WFDC1: variants seen among roughly 807,000 people sequenced by gnomAD.
The protein encoded by WFDC1 is WAP four-disulfide core domain 1, also known as WAP four-disulfide core domain protein 1.
A neutral mutation model predicts 32.9 loss-of-function variants in WFDC1; 39 were observed. The ratio of observed to expected loss-of-function variants is 1.19; its 90% CI spans 0.92 to 1.55. The LOEUF (loss-of-function observed/expected upper bound fraction) is 1.55, where lower values mean the gene tolerates loss of function less well. Ranked by LOEUF, WFDC1 falls within the 40% of genes most tolerant of loss-of-function variation. The probability of loss-of-function intolerance (pLI) is 0.00; values close to 1 mark genes in which losing one functional copy is unlikely to be tolerated. For missense variants in WFDC1, 386 were observed against 309.5 expected (o/e 1.25, Z -1.85); for synonymous variants, 184 against 137.4 (o/e 1.34, Z -2.37).
rs374816068 is a variant in WFDC1 at position 84,307,443 on chromosome 16, C to G, written c.145-5518C>G. Among the ~76,000 whole-genome samples, 10 of 152,170 alleles carry G rather than the reference C, an allele frequency of 6.6e-5. No individual in the cohort carries two copies. The East Asian group carries it at 1.5e-3, about 23-fold the overall frequency. ...TGTTTCAGTCACGCAGTAAATAACTCGGGAGATGTGGCTTCTAAGGCGCTT... is the reference window on the plus strand; with the variant it reads ...TGTTTCAGTCACGCAGTAAATAACTGGGGAGATGTGGCTTCTAAGGCGCTT... On this transcript the variant is annotated intron_variant, in intron 1 of 6. Coordinates refer to ENST00000219454, the MANE Select transcript of WFDC1 (RefSeq NM_021197.4).
rs937907680 is a variant in WFDC1, at chr16:84,313,136, C to T, written c.320C>T (p.Ala107Val). Residue 107 changes from alanine (A) to valine (V), a missense_variant, in exon 2 of 7, where the codon GCT becomes GTT. Transcript: ENST00000219454. Reference protein sequence around the residue: ...YNGCAYACLEAVPPPPVLDWL... With the variant: ...YNGCAYACLEVVPPPPVLDWL... ...GGATGCGCCTACGCCTGCCTAGAAG[C>T]TGTGCCGCCCCCGCCAGGTAGGTCC... is the stretch of plus-strand genomic sequence containing the variant. 3 of 1,436,392 alleles carry T rather than the reference C, an allele frequency of 2.1e-6. No individual in the cohort carries two copies. Among genetic ancestry groups the T allele is most frequent in the Non-Finnish European group, 2.7e-6 (3 of 1,103,382 alleles). The allele number at this position is 1,436,392 out of a possible 1,614,324, so 89.0% of individuals were successfully genotyped here. A position where few individuals can be genotyped will look rare whatever the true frequency, so the allele number is the denominator to read the frequency against.
chr16:84,313,096 C>T lies in WFDC1; in HGVS notation c.280C>T (p.Arg94Cys). The T allele has an allele frequency of 1.4e-6, 2 of 1,436,668 alleles. No individual in the cohort carries two copies. Among genetic ancestry groups the T allele is most frequent in the South Asian group, 1.4e-5 (1 of 70,430 alleles). The allele number at this position is 1,436,668 out of a possible 1,614,324, so 89.0% of individuals were successfully genotyped here. ...QADSECPRHR[R>C]CCYNGCAYAC... Reference sequence around the variant, plus strand: ...GGACTCCGAGTGCCCGCGGCACCGGCGCTGCTGCTACAACGGATGCGCCTA... The same window carrying T: ...GGACTCCGAGTGCCCGCGGCACCGGTGCTGCTGCTACAACGGATGCGCCTA... Residue 94 changes from arginine to cysteine, a missense_variant, in exon 2 of 7, where the codon CGC (arginine) becomes TGC (cysteine). Coordinates refer to ENST00000219454, the MANE Select transcript of WFDC1 (RefSeq NM_021197.4).
chr16:84,306,025 TA>T (rs1907231986), intron 1 of WFDC1, among the ~76,000 whole-genome samples: 1 of 81,026 alleles, frequency 1.2e-5, no homozygotes. Context: ...ATAATAATAA[TA>T]ATAATAATAA....
chr16:84,314,636 A>T (rs1308935095), intron 2 of WFDC1, among the ~76,000 whole-genome samples: 6 of 152,168 alleles, frequency 3.9e-5, no homozygotes, highest in African/African-American at 9.7e-5. Flanking sequence ...CAGTCTTATA[A>T]TGCTCATCAA....
intron 1 of WFDC1, among the ~76,000 whole-genome samples, chr16:84,301,968 A>G (rs1416312259): frequency 2.0e-5 from 3 of 152,218 alleles, no homozygotes; most frequent in Non-Finnish European, 4.4e-5. Context: ...CCGCAGCCAC[A>G]GGGCAGAGGC....
intron 4 of WFDC1, among the ~76,000 whole-genome samples, chr16:84,323,037 T>C (rs1289502158): frequency 2.0e-5 from 3 of 152,162 alleles, no homozygotes; most frequent in Non-Finnish European, 4.4e-5. Flanking sequence ...CTCCTTGTGG[T>C]GTTATGGGCC....
chr16:84,310,696 T>A (rs932138384), intron 1 of WFDC1, among the ~76,000 whole-genome samples: 7 of 152,206 alleles, frequency 4.6e-5, no homozygotes, highest in Non-Finnish European at 7.3e-5. Context: ...TGCATTTTTT[T>A]AAAAACACAG....
At position 84,299,153 on chromosome 16, in the gene WFDC1, G is replaced by A. The variant is rs553919151; in HGVS notation, c.144+4038G>A. On this transcript the variant is annotated intron_variant, in intron 1 of 6. Coordinates refer to ENST00000219454, the MANE Select transcript of WFDC1 (RefSeq NM_021197.4). ...AGGCAGGCAGATCTCCTGAGGTCGG[G>A]AGTTCAAAACCAGCCTGACCAACAT... Among the ~76,000 whole-genome samples the A allele has an allele frequency of 2.9e-4, 44 of 152,206 alleles. No homozygotes were observed. In the South Asian group the frequency reaches 9.1e-3, roughly 32 times the overall value.
chr16:84,313,733 G>A (rs776761847), intron 2 of WFDC1, among the ~76,000 whole-genome samples: 2 of 152,210 alleles, frequency 1.3e-5, no homozygotes, highest in Admixed American at 6.5e-5. Context: ...CAGATGGGGC[G>A]TGCCCCAGAG....
chr16:84,310,522 G>T (rs1907549000), intron 1 of WFDC1, among the ~76,000 whole-genome samples: 3 of 152,246 alleles, frequency 2.0e-5, no homozygotes, highest in African/African-American at 7.2e-5. Flanking sequence ...AAAAGACATT[G>T]AACCACTGCA....
chr16:84,311,985 T>C (rs1907657478), intron 1 of WFDC1, among the ~76,000 whole-genome samples: 1 of 151,926 alleles, frequency 6.6e-6, no homozygotes, highest in Non-Finnish European at 1.5e-5. Flanking sequence ...GGCCAACATG[T>C]AGAAACCCTG....
At chr16:84,303,113 A>C (rs1359470589) in intron 1 of WFDC1, among the ~76,000 whole-genome samples, 1 of 149,514 alleles carries the variant, frequency 6.7e-6, no homozygotes, top group African/African-American at 2.5e-5. Flanking sequence ...GGCCCCGGGC[A>C]CCAGGAAATG....
intron 2 of WFDC1, among the ~76,000 whole-genome samples, chr16:84,315,090 T>C (rs960023936): frequency 2.0e-5 from 3 of 152,238 alleles, no homozygotes; most frequent in African/African-American, 7.2e-5. Context: ...GAAGTGTTCA[T>C]TGCCTTAGGC....
intron 1 of WFDC1, among the ~76,000 whole-genome samples, chr16:84,298,794 G>C (rs1906760925): frequency 6.6e-6 from 1 of 152,238 alleles, no homozygotes; most frequent in Admixed American, 6.5e-5. Flanking sequence ...TGCAGAGACA[G>C]TGCCAGAGAT....
At chr16:84,326,979 C>T in intron 6 of WFDC1, 24 bp downstream of exon 6, 1 of 1,612,332 alleles carries the variant, frequency 6.2e-7, no homozygotes, top group Non-Finnish European at 8.5e-7. Context: ...GAGCAAGAGT[C>T]ATGGCCAGGG....
At chr16:84,319,224 G>C in intron 3 of WFDC1, 1 of 595,048 alleles carries the variant, frequency 1.7e-6, no homozygotes, top group Non-Finnish European at 2.9e-6. Flanking sequence ...CTGTGTTTGT[G>C]TGCGTGTTTG....
chr16:84,300,920 A>C (rs529660920), intron 1 of WFDC1, among the ~76,000 whole-genome samples: 1 of 152,148 alleles, frequency 6.6e-6, no homozygotes, highest in Admixed American at 6.5e-5. Flanking sequence ...CGTTGCAGTG[A>C]GCCAAGATCA....
rs112519288 is a variant in WFDC1 at position 84,326,956 on chromosome 16, G to C, written c.*15+1G>C. The C allele has an allele frequency of 6.2e-7, 1 of 1,614,082 alleles. No homozygotes were observed. The highest frequency in any genetic ancestry group is 1.3e-5 in the African/African-American group (1 of 75,026). On this transcript the variant is annotated splice_donor_variant, in intron 6 of 6. Transcript: ENST00000219454. LOFTEE classifies it low-confidence loss of function (3UTR_SPLICE). ...CTTTCAGTAAAGCAACGGCAAGCAG[G>C]TGAGTGGGCAGAGAGCAAGAGTCAT...
intron 2 of WFDC1, among the ~76,000 whole-genome samples, chr16:84,315,385 T>C (rs188691218): frequency 6.6e-6 from 1 of 152,340 alleles, no homozygotes; most frequent in East Asian, 1.9e-4. Context: ...CACTTGAAGG[T>C]CAGCCCCACA....
Sources: allele counts gnomAD v4.1 joint callset (sites outside exome capture counted in the v4.1 genomes callset), GRCh38; gene constraint gnomAD v4.1.1; transcripts MANE v1.5; gene names NCBI Gene and HGNC (gene_info 2026-07-23, HGNC 2026-07-21).